The following RAB22A variants were observed in gnomAD, a reference collection of about 807,000 sequenced individuals.
RAB22A encodes RAB22A, member RAS oncogene family, also known as ras-related protein Rab-22A.
In RAB22A, 13 loss-of-function variants were observed where a neutral mutation model predicts 30.2. That is an observed-to-expected ratio of 0.43 (90% CI 0.28 to 0.68). The LOEUF is 0.68. RAB22A is among the 30% of genes least tolerant of loss of function. The pLI, the probability that RAB22A is intolerant of heterozygous loss-of-function variation, is 0.18. For missense variants in RAB22A, 177 were observed against 246.8 expected, an observed-to-expected ratio of 0.72 and a Z score of 1.89; for synonymous variants, 89 against 87.2, an observed-to-expected ratio of 1.02 and a Z score of -0.11.
At chr20:58,332,678 A>G (rs1382371727) in intron 2 of RAB22A, among the ~76,000 whole-genome samples, 3 of 152,172 alleles carry the variant, frequency 2.0e-5, no homozygotes, top group Admixed American at 6.5e-5. Context: ...GACAAAGGAA[A>G]AGAATAATTC....
At chr20:58,311,392 A>G (rs934338135) in intron 2 of RAB22A, among the ~76,000 whole-genome samples, 1 of 152,244 alleles carries the variant, frequency 6.6e-6, no homozygotes, top group African/African-American at 2.4e-5. Flanking sequence ...GCTTCGGTCT[A>G]TAAATATCAA....
In RAB22A at chr20:58,361,021, T is replaced by C. The variant is rs1987217120; in HGVS notation, c.*1318T>C. The C allele has an allele frequency of 6.6e-6, 1 of 152,588 alleles. No homozygotes were observed. The highest frequency in any genetic ancestry group is 1.5e-5 in the Non-Finnish European group (1 of 68,026). The allele number at this position is 152,588 out of a possible 1,614,324, so 9.5% of individuals were successfully genotyped here. On this transcript the variant is annotated 3_prime_UTR_variant, in exon 7 of 7. Coordinates refer to ENST00000244040, the MANE Select transcript of RAB22A (RefSeq NM_020673.3). ...CCTTGTTAACAATTTAGCTTATCTTTCTGTTTCCTTTATTTTTCCCCTGCC... is the reference window on the plus strand; with the variant it reads ...CCTTGTTAACAATTTAGCTTATCTTCCTGTTTCCTTTATTTTTCCCCTGCC...
chr20:58,353,084 C>G (rs1271345690), intron 3 of RAB22A, among the ~76,000 whole-genome samples, 189 bp from the exon 4 acceptor site: 1 of 152,200 alleles, frequency 6.6e-6, no homozygotes, highest in Non-Finnish European at 1.5e-5. Context: ...TTCTGAGAGA[C>G]ATTTCAGTGT....
At chr20:58,348,161 AG>A (rs536315932) in intron 3 of RAB22A, among the ~76,000 whole-genome samples, 74 of 152,144 alleles carry the variant, frequency 4.9e-4, no homozygotes, top group African/African-American at 1.5e-3. Flanking sequence ...CGGGAGGTGG[AG>A]GTTGCAGTGA....
intron 2 of RAB22A, among the ~76,000 whole-genome samples, chr20:58,333,984 G>T (rs574164017): frequency 5.0e-4 from 76 of 152,200 alleles, no homozygotes; most frequent in African/African-American, 1.8e-3. Flanking sequence ...CTTGAGCCCA[G>T]GAGTTCAAGG....
chr20:58,340,073 A>G (rs1454327880), intron 2 of RAB22A, among the ~76,000 whole-genome samples: 2 of 152,218 alleles, frequency 1.3e-5, no homozygotes, highest in Non-Finnish European at 2.9e-5. Context: ...TCAGAAATCA[A>G]CAGAAATGCA....
At chr20:58,312,472 CTTTTTTTTTTTTTTTTTTTT>C (rs58198236) in intron 2 of RAB22A, among the ~76,000 whole-genome samples, 5 of 38,710 alleles carry the variant, frequency 1.3e-4, no homozygotes, top group Admixed American at 5.0e-4. Flanking sequence ...GGCTGGTTTT[CTTTTTTTTTTTTTTTTTTTT>C]TTTTTTTTTT....
At chr20:58,326,744 T>C (rs1408879829) in intron 2 of RAB22A, among the ~76,000 whole-genome samples, 7 of 152,208 alleles carry the variant, frequency 4.6e-5, no homozygotes, top group Non-Finnish European at 1.0e-4. Context: ...GTAGACTCCT[T>C]AGTATTATTT....
In RAB22A at chr20:58,331,568, C is replaced by T. The variant is rs114236020; in HGVS notation, c.117-12150C>T. On this transcript the variant is annotated intron_variant, in intron 2 of 6. Coordinates refer to ENST00000244040, the MANE Select transcript of RAB22A (RefSeq NM_020673.3). ...TACCCCCATTATTCCATTGAAACACCATTGTTGTAGAGTTTGACTAAATAT... is the reference window on the plus strand; with the variant it reads ...TACCCCCATTATTCCATTGAAACACTATTGTTGTAGAGTTTGACTAAATAT... 9.3e-3 allele frequency among the ~76,000 whole-genome samples: 1,419 copies of T among 152,244 alleles called. 23 individuals are homozygous for T. The highest frequency in any genetic ancestry group is 0.031 in the Middle Eastern group (9 of 294).
chr20:58,321,517 G>A (rs1308028103), intron 2 of RAB22A, among the ~76,000 whole-genome samples: 1 of 152,172 alleles, frequency 6.6e-6, no homozygotes, highest in African/African-American at 2.4e-5. Context: ...ACTGATGTGT[G>A]GAGTATTCTG....
chr20:58,318,907 C>T (rs1375967474), intron 2 of RAB22A, among the ~76,000 whole-genome samples: 1 of 152,136 alleles, frequency 6.6e-6, no homozygotes, highest in Non-Finnish European at 1.5e-5. Context: ...ATTTGGGAAT[C>T]CTCCTTGGCA....
intron 3 of RAB22A, among the ~76,000 whole-genome samples, chr20:58,347,452 A>G (rs1367522299): frequency 6.6e-6 from 1 of 152,238 alleles, no homozygotes; most frequent in African/African-American, 2.4e-5. Flanking sequence ...AGAGGGGCCT[A>G]GGGAAAATTG....
chr20:58,354,889 C>T (rs1435813664), intron 6 of RAB22A, among the ~76,000 whole-genome samples: 3 of 152,194 alleles, frequency 2.0e-5, no homozygotes, highest in Non-Finnish European at 4.4e-5. Context: ...AGCGCACATT[C>T]TACAGAGGGA....
At chr20:58,310,492 C>T (rs973716465) in intron 1 of RAB22A, among the ~76,000 whole-genome samples, 1 of 152,174 alleles carries the variant, frequency 6.6e-6, no homozygotes, top group African/African-American at 2.4e-5. Flanking sequence ...TGCCAAGTAA[C>T]TCTTCCTGTG....
intron 6 of RAB22A, among the ~76,000 whole-genome samples, chr20:58,355,863 G>A (rs140685424): frequency 3.5e-4 from 53 of 152,298 alleles, no homozygotes; most frequent in Admixed American, 9.8e-4. Flanking sequence ...TGTCCTGGAT[G>A]TAAATAGCAG....
chr20:58,312,107 C>G (rs910245789), intron 2 of RAB22A, among the ~76,000 whole-genome samples: 12 of 152,182 alleles, frequency 7.9e-5, no homozygotes, highest in Non-Finnish European at 1.3e-4. Flanking sequence ...GGGCGCCCAC[C>G]ACCATGCCCA....
chr20:58,313,640 CT>C (rs949041090), intron 2 of RAB22A, among the ~76,000 whole-genome samples: 3 of 152,190 alleles, frequency 2.0e-5, no homozygotes, highest in African/African-American at 7.2e-5. Flanking sequence ...CCACCTTCCC[CT>C]GGTACCAGTT....
Position 58,317,407 on chromosome 20 carries a change from A to G in RAB22A, c.116+6285A>G, listed in dbSNP as rs183586793. Among the ~76,000 whole-genome samples the G allele has an allele frequency of 2.9e-3, 438 of 151,850 alleles. 6 individuals are homozygous for G. Among genetic ancestry groups the G allele is most frequent in the African/African-American group, 0.01 (422 of 41,412 alleles). ...CCGCCGTGCCTGGCCAACCCTGGGC[A>G]GTTTAGTCTCTGATCTGTTTCTTCA... is the stretch of plus-strand genomic sequence containing the variant. On this transcript the variant is annotated intron_variant, in intron 2 of 6. Coordinates refer to ENST00000244040, the MANE Select transcript of RAB22A (RefSeq NM_020673.3).
At position 58,364,620 on chromosome 20, in the gene RAB22A, A is replaced by T. The variant is rs1987283293; in HGVS notation, c.*4917A>T. 1 of 152,124 alleles carries T rather than the reference A, an allele frequency of 6.6e-6. No homozygotes were observed. The highest frequency in any genetic ancestry group is 1.5e-5 in the Non-Finnish European group (1 of 68,020). The allele number at this position is 152,124 out of a possible 1,614,324, so 9.4% of individuals were successfully genotyped here. A position where few individuals can be genotyped will look rare whatever the true frequency, so the allele number is the denominator to read the frequency against. On this transcript the variant is annotated 3_prime_UTR_variant, in exon 7 of 7. Coordinates refer to ENST00000244040, the MANE Select transcript of RAB22A (RefSeq NM_020673.3). ...TTTTTAGATCTGTATGGTGCCCAGT[A>T]CTCCACAAAATGCATCATAATTGAA...
Sources: gnomAD v4.1 joint callset for allele counts (sites outside exome capture counted in the v4.1 genomes callset) on GRCh38, gnomAD v4.1.1 for gene constraint, MANE v1.5 for transcripts, NCBI Gene and HGNC (gene_info 2026-07-23, HGNC 2026-07-21) for gene names.